UQCRC2: variants seen among roughly 807,000 people sequenced by gnomAD.
The protein encoded by UQCRC2 is ubiquinol-cytochrome c reductase core protein 2, also known as cytochrome b-c1 complex subunit 2, mitochondrial.
Under a neutral mutation model 55.6 loss-of-function variants are expected in UQCRC2, and 49 were observed. The ratio of observed to expected loss-of-function variants is 0.88; its 90% CI spans 0.70 to 1.12. UQCRC2 has a LOEUF of 1.12. Among genes scored for constraint, UQCRC2 ranks in the 50% most tolerant of loss-of-function variants. UQCRC2 has a pLI of 0.00. For missense variants in UQCRC2, 506 were observed against 547.8 expected, an observed-to-expected ratio of 0.92 and a Z score of 0.76; for synonymous variants, 193 against 192.0, an observed-to-expected ratio of 1.01 and a Z score of -0.04.
Position 21,972,060 on chromosome 16 carries a change from G to A in UQCRC2, c.904G>A (p.Gly302Ser), listed in dbSNP as rs755822050. The A allele has an allele frequency of 6.8e-6, 11 of 1,613,958 alleles. No homozygotes were observed. The highest frequency in any genetic ancestry group is 9.3e-6 in the Non-Finnish European group (11 of 1,180,020). ...CGGTGCTGGGCCACATGTCAAGAGG[G>A]GCAGCAACACCACCAGCCATCTGCA... Reference protein sequence around the residue: ...VLGAGPHVKRGSNTTSHLHQA... With the variant: ...VLGAGPHVKRSSNTTSHLHQA... Residue 302 changes from glycine to serine, a missense_variant, in exon 10 of 14, where the codon GGC (glycine) becomes AGC (serine). Physicochemically the swap from Gly to Ser is moderately conservative, Grantham distance 56. Transcript: ENST00000268379.
In UQCRC2 at chr16:21,953,378, T is replaced by C; in HGVS notation, c.-46T>C. ...CTCCCGGCCTCCGCCACCATCTTGC[T>C]TTCCTTTAATCCGGCAGTGACCGTG... is the stretch of plus-strand genomic sequence containing the variant. On this transcript the variant is annotated 5_prime_UTR_variant, in exon 1 of 14. Transcript: ENST00000268379. 2.5e-6 allele frequency: 4 copies of C among 1,607,780 alleles called. No individual in the cohort carries two copies. The highest frequency in any genetic ancestry group is 3.4e-6 in the Non-Finnish European group (4 of 1,177,336).
At chr16:21,976,124 C>A in intron 11 of UQCRC2, 43 bp from the exon 12 acceptor site, 1 of 1,417,928 alleles carries the variant, frequency 7.1e-7, no homozygotes, top group Non-Finnish European at 1.0e-6. Flanking sequence ...GCAGGAGACT[C>A]TGGTACTGAC....
intron 1 of UQCRC2, 146 bp downstream of exon 1, chr16:21,953,602 C>A: frequency 9.7e-7 from 1 of 1,034,986 alleles, no homozygotes; most frequent in Non-Finnish European, 1.4e-6. Context: ...GGGCTGCAGA[C>A]TGGGTCAGGC....
At chr16:21,981,370 A>C (rs562391025) in intron 13 of UQCRC2, among the ~76,000 whole-genome samples, 19 of 152,184 alleles carry the variant, frequency 1.2e-4, no homozygotes, top group Non-Finnish European at 2.1e-4. Flanking sequence ...TTTCTACATT[A>C]AACTTGCCAA....
chr16:21,982,494 T>A (rs1235633348), intron 13 of UQCRC2, among the ~76,000 whole-genome samples: 2 of 152,196 alleles, frequency 1.3e-5, no homozygotes. Context: ...TTGTTTTCCT[T>A]ATCTCTCTTT....
chr16:21,983,241 A>C lies in UQCRC2; in HGVS notation c.*70A>C, dbSNP rs774487682. The C allele has an allele frequency of 1.5e-4, 214 of 1,391,646 alleles. No homozygotes were observed. Among genetic ancestry groups the C allele is most frequent in the Non-Finnish European group, 2.0e-4 (203 of 994,490 alleles). The allele number at this position is 1,391,646 out of a possible 1,614,324, so 86.2% of individuals were successfully genotyped here. A position where few individuals can be genotyped will look rare whatever the true frequency, so the allele number is the denominator to read the frequency against. On this transcript the variant is annotated 3_prime_UTR_variant, in exon 14 of 14. Coordinates refer to ENST00000268379, the MANE Select transcript of UQCRC2 (RefSeq NM_003366.4). ...CCAGAGCAGCAAACACATGAAAGTCAGAAGTCTCTAATATATCATTTGTCT... is the reference window on the plus strand; with the variant it reads ...CCAGAGCAGCAAACACATGAAAGTCCGAAGTCTCTAATATATCATTTGTCT...
intron 1 of UQCRC2, among the ~76,000 whole-genome samples, 164 bp from the exon 2 acceptor site, chr16:21,957,068 CAAA>C (rs35025046): frequency 9.7e-6 from 1 of 103,100 alleles, no homozygotes; most frequent in Non-Finnish European, 2.0e-5. Context: ...CACTCTGTCT[CAAA>C]AAAAAAAAAA....
In UQCRC2 at chr16:21,962,836, G is replaced by C. The variant is rs745927178; in HGVS notation, c.465G>C (p.Gln155His). The C allele has an allele frequency of 2.5e-6, 4 of 1,613,922 alleles. No homozygotes were observed. The highest frequency in any genetic ancestry group is 2.2e-5 in the South Asian group (2 of 91,086). ...GTCGTTGGGAAGTAGCTGACCTTCA[G>C]CCTCAGCTAAAGATTGACAAAGCTG... is the stretch of plus-strand genomic sequence containing the variant. Reference protein sequence around the residue: ...EFRRWEVADLQPQLKIDKAVA... With the variant: ...EFRRWEVADLHPQLKIDKAVA... Residue 155 changes from glutamine to histidine, a missense_variant, in exon 6 of 14, where the codon CAG (glutamine) becomes CAC (histidine). By Grantham distance (24) the Gln-to-His change is conservative. Coordinates refer to ENST00000268379, the MANE Select transcript of UQCRC2 (RefSeq NM_003366.4).
chr16:21,980,418 G>A (rs558436143), intron 12 of UQCRC2, 129 bp from the exon 13 acceptor site: 1 of 944,930 alleles, frequency 1.1e-6, no homozygotes, highest in East Asian at 2.5e-5. Flanking sequence ...GGGAATTCAG[G>A]AAGAGGGAGA....
At chr16:21,980,468 C>A in intron 12 of UQCRC2, 79 bp from the exon 13 acceptor site, 2 of 1,494,554 alleles carry the variant, frequency 1.3e-6, no homozygotes, top group Non-Finnish European at 9.1e-7. Flanking sequence ...CTTTGATGTT[C>A]ACAGCCCCCC....
Position 21,976,114 on chromosome 16 carries a change from G to T in UQCRC2, c.1048-53G>T, listed in dbSNP as rs570758103. ...CTCAGTAAAGAAGTGTGTCAGTGCTGCAGGAGACTCTGGTACTGACCACAG... is the reference window on the plus strand; with the variant it reads ...CTCAGTAAAGAAGTGTGTCAGTGCTTCAGGAGACTCTGGTACTGACCACAG... On this transcript the variant is annotated intron_variant, in intron 11 of 13. Coordinates refer to ENST00000268379, the MANE Select transcript of UQCRC2 (RefSeq NM_003366.4). The T allele has an allele frequency of 7.8e-6, 10 of 1,278,294 alleles. No individual in the cohort carries two copies. The East Asian group carries it at 1.2e-4, about 15-fold the overall frequency. The allele number at this position is 1,278,294 out of a possible 1,614,324, so 79.2% of individuals were successfully genotyped here. A position where few individuals can be genotyped will look rare whatever the true frequency, so the allele number is the denominator to read the frequency against.
intron 6 of UQCRC2, among the ~76,000 whole-genome samples, chr16:21,963,815 A>T (rs1898260111): frequency 6.6e-6 from 1 of 152,014 alleles, no homozygotes; most frequent in South Asian, 2.1e-4. Context: ...ATCCTACACC[A>T]GTTTATTGCT....
chr16:21,961,626 T>TTATATATATA (rs67999727), intron 4 of UQCRC2, among the ~76,000 whole-genome samples: 1,974 of 63,890 alleles, frequency 0.031, 129 homozygotes, highest in Non-Finnish European at 0.054. Flanking sequence ...AACATAAAAT[T>TTATATATATA]TATATATATA....
chr16:21,981,101 TA>T (rs1254304343), intron 13 of UQCRC2, among the ~76,000 whole-genome samples: 1 of 152,216 alleles, frequency 6.6e-6, no homozygotes, highest in African/African-American at 2.4e-5. Context: ...TGATCCAACC[TA>T]AATAGTGAAG....
chr16:21,970,912 C>A (rs984785631), intron 8 of UQCRC2, among the ~76,000 whole-genome samples: 1 of 151,900 alleles, frequency 6.6e-6, no homozygotes, highest in Non-Finnish European at 1.5e-5. Context: ...CTATTCAAGT[C>A]TTTGCCCATT....
rs149730228 is a variant in UQCRC2 at position 21,955,537 on chromosome 16, G to A, written c.34-1698G>A. 6.8e-3 allele frequency among the ~76,000 whole-genome samples: 1,040 copies of A among 152,256 alleles called. 6 individuals carry two copies. Among genetic ancestry groups the A allele is most frequent in the Middle Eastern group, 0.02 (6 of 294 alleles). On this transcript the variant is annotated intron_variant, in intron 1 of 13. Transcript: ENST00000268379. The stretch of plus-strand genomic sequence containing the variant: ...AGTCATAATCAGAATGATTTGTATG[G>A]CATTGTATAACATTTGCCAAAACAA...
intron 13 of UQCRC2, among the ~76,000 whole-genome samples, chr16:21,982,161 G>C (rs1898747032): frequency 6.6e-6 from 1 of 151,848 alleles, no homozygotes; most frequent in South Asian, 2.1e-4. Context: ...CTTTTAAATG[G>C]CTGTCTTCAT....
intron 1 of UQCRC2, 132 bp from the exon 2 acceptor site, chr16:21,957,103 T>A: frequency 1.4e-6 from 1 of 693,160 alleles, no homozygotes; most frequent in Non-Finnish European, 2.4e-6. Context: ...AGGTAAATCC[T>A]CCCATGGAGG....
chr16:21,954,537 C>G (rs1176631915), intron 1 of UQCRC2, among the ~76,000 whole-genome samples: 3 of 152,176 alleles, frequency 2.0e-5, no homozygotes, highest in Non-Finnish European at 4.4e-5. Context: ...CTTCTCCATT[C>G]TATTTTGCAA....
Sources: gnomAD v4.1 joint callset for allele counts (sites outside exome capture counted in the v4.1 genomes callset) on GRCh38, gnomAD v4.1.1 for gene constraint, MANE v1.5 for transcripts, NCBI Gene and HGNC (gene_info 2026-07-23, HGNC 2026-07-21) for gene names.